Variants in IREB2 observed in about 807,000 individuals in gnomAD.
IREB2 encodes the protein iron-responsive element-binding protein 2.
IREB2 carries 39 observed loss-of-function variants against 118.8 expected under a neutral mutation model. That is an observed-to-expected ratio of 0.33 (90% CI 0.25 to 0.43). IREB2 has a LOEUF of 0.43. Among genes scored for constraint, IREB2 ranks in the 20% least tolerant of loss-of-function variants. The probability of loss-of-function intolerance (pLI) is 1.00; values close to 1 mark genes in which losing one functional copy is unlikely to be tolerated. For missense variants in IREB2, 900 were observed against 1,147.3 expected (o/e 0.78, Z 3.11); for synonymous variants, 372 against 392.2 (o/e 0.95, Z 0.61).
At position 78,498,166 on chromosome 15, in the gene IREB2, T is replaced by C. The variant is rs1222891092; in HGVS notation, c.*23T>C. On this transcript the variant is annotated 3_prime_UTR_variant, in exon 22 of 22. Transcript: ENST00000258886. The stretch of plus-strand genomic sequence containing the variant: ...TAGTATCTACTTACCATAGATACCT[T>C]TCATAACTGGTAACTGCAAAGCCTT... 1 of 1,326,030 alleles carries C rather than the reference T, an allele frequency of 7.5e-7. No homozygotes were observed. Among genetic ancestry groups the C allele is most frequent in the Admixed American group, 1.7e-5 (1 of 59,208 alleles). 82.1% of individuals were successfully genotyped at this position (1,326,030 alleles called of 1,614,324 possible). A position where few individuals can be genotyped will look rare whatever the true frequency, so the allele number is the denominator to read the frequency against.
chr15:78,473,632 ACTATTACTATTC>A, intron 8 of IREB2: 1 of 400,924 alleles, frequency 2.5e-6, no homozygotes, highest in South Asian at 3.1e-5. Context: ...TGAGATGGAT[ACTATTACTATTC>A]TCATTGTAAC....
chr15:78,467,118 G>T (rs914811126), intron 5 of IREB2, among the ~76,000 whole-genome samples: 7 of 150,126 alleles, frequency 4.7e-5, no homozygotes, highest in Non-Finnish European at 1.0e-4. Flanking sequence ...GCTGAGGCAG[G>T]AGAATCTCTT....
intron 18 of IREB2, 144 bp from the exon 19 acceptor site, chr15:78,493,765 A>G: frequency 1.6e-6 from 1 of 623,824 alleles, no homozygotes; most frequent in Non-Finnish European, 2.7e-6. Flanking sequence ...GCTTGGTGAT[A>G]GGCGCATGGA....
At chr15:78,444,027 G>T (rs558813954) in intron 2 of IREB2, among the ~76,000 whole-genome samples, 1 of 151,832 alleles carries the variant, frequency 6.6e-6, no homozygotes, top group Non-Finnish European at 1.5e-5. Flanking sequence ...TCAAAATCTA[G>T]GTAGTCTCAA....
At chr15:78,445,656 CA>C (rs2141449249) in intron 2 of IREB2, among the ~76,000 whole-genome samples, 1 of 152,364 alleles carries the variant, frequency 6.6e-6, no homozygotes, top group East Asian at 1.9e-4. Context: ...TCCATCTCTA[CA>C]GCCTACTTCA....
At chr15:78,496,031 T>A (rs2051832412) in intron 20 of IREB2, among the ~76,000 whole-genome samples, 1 of 152,242 alleles carries the variant, frequency 6.6e-6, no homozygotes, top group African/African-American at 2.4e-5. Context: ...TTGTAACCTG[T>A]GTCCACGAGT....
At chr15:78,496,007 T>G (rs1316522810) in intron 20 of IREB2, among the ~76,000 whole-genome samples, 3 of 152,234 alleles carry the variant, frequency 2.0e-5, no homozygotes, top group Non-Finnish European at 2.9e-5. Context: ...TGGATCTTAC[T>G]GCTTTGTATG....
At chr15:78,461,855 T>C (rs1307133613) in intron 2 of IREB2, among the ~76,000 whole-genome samples, 1 of 152,234 alleles carries the variant, frequency 6.6e-6, no homozygotes, top group Non-Finnish European at 1.5e-5. Flanking sequence ...AATCTCTGAA[T>C]AGCAGCACTA....
chr15:78,499,000 C>CA lies in IREB2; in HGVS notation c.*858dup, dbSNP rs1385282677. ...GTATCATTAACCAAAATTTCACACT[C>CA]ATAGTTGCTAAAGAGAATGTTATTC... On this transcript the variant is annotated 3_prime_UTR_variant, in exon 22 of 22. Transcript: ENST00000258886. 2 of 152,184 alleles carry CA rather than the reference C, an allele frequency of 1.3e-5. No homozygotes were observed. Among genetic ancestry groups the CA allele is most frequent in the African/African-American group, 4.8e-5 (2 of 41,450 alleles). The allele number at this position is 152,184 out of a possible 1,614,324, so 9.4% of individuals were successfully genotyped here. A position where few individuals can be genotyped will look rare whatever the true frequency, so the allele number is the denominator to read the frequency against.
chr15:78,466,813 T>C (rs762636389), intron 5 of IREB2, among the ~76,000 whole-genome samples: 18 of 152,212 alleles, frequency 1.2e-4, no homozygotes, highest in Non-Finnish European at 1.9e-4. Flanking sequence ...AGTATATTTG[T>C]ACCATTCATA....
rs755759523 is a variant in IREB2, at chr15:78,488,713, G to A, written c.2018G>A (p.Arg673Gln). The A allele has an allele frequency of 1.7e-5, 27 of 1,597,486 alleles. No homozygotes were observed. The highest frequency in any genetic ancestry group is 1.7e-4 in the Middle Eastern group (1 of 6,036). Reference sequence around the variant, plus strand: ...TGGCCTAGTCGAGAAGAAGTTCATCGAGTAGAGGAAGAACATGTTATACTA... The same window carrying A: ...TGGCCTAGTCGAGAAGAAGTTCATCAAGTAGAGGAAGAACATGTTATACTA... ...DIWPSREEVHRVEEEHVILSM... is the reference protein window; with the variant it reads ...DIWPSREEVHQVEEEHVILSM... The change falls in exon 16 of 22, where the codon CGA becomes CAA. Residue 673 changes from arginine to glutamine, a missense_variant. By Grantham distance (43) the Arg-to-Gln change is conservative. Coordinates refer to ENST00000258886, the MANE Select transcript of IREB2 (RefSeq NM_004136.4).
At chr15:78,472,983 A>C (rs1713453973) in intron 7 of IREB2, among the ~76,000 whole-genome samples, 1 of 152,192 alleles carries the variant, frequency 6.6e-6, no homozygotes, top group Non-Finnish European at 1.5e-5. Context: ...ATGAATACTT[A>C]AACTAATGTT....
chr15:78,464,363 G>A (rs925350774), intron 3 of IREB2, among the ~76,000 whole-genome samples: 5 of 152,138 alleles, frequency 3.3e-5, no homozygotes, highest in East Asian at 1.9e-4. Flanking sequence ...TGAAAGAGGC[G>A]TAGAGGTTAG....
At chr15:78,466,150 A>G in intron 4 of IREB2, 121 bp from the exon 5 acceptor site, 1 of 594,642 alleles carries the variant, frequency 1.7e-6, no homozygotes, top group Non-Finnish European at 2.9e-6. Context: ...TAAATGATAC[A>G]TTAGCCTTTA....
At position 78,473,215 on chromosome 15, in the gene IREB2, C is replaced by G. The variant is rs372524053; in HGVS notation, c.884-27C>G. On this transcript the variant is annotated intron_variant, in intron 7 of 21. Transcript: ENST00000258886. The stretch of plus-strand genomic sequence containing the variant: ...ATAAATGATCTTTAAATATACTGTG[C>G]TAATATACCTGTCTTTATTACGTTA... 9 of 1,604,116 alleles carry G rather than the reference C, an allele frequency of 5.6e-6. No homozygotes were observed. The South Asian group carries it at 8.8e-5, about 16-fold the overall frequency.
intron 13 of IREB2, among the ~76,000 whole-genome samples, chr15:78,487,117 G>T (rs1392002097): frequency 6.6e-6 from 1 of 152,054 alleles, no homozygotes; most frequent in Non-Finnish European, 1.5e-5. Context: ...TATTATCTTG[G>T]ATTTATTGTC....
intron 9 of IREB2, 34 bp downstream of exon 9, chr15:78,476,393 T>C (rs773520499): frequency 7.1e-7 from 1 of 1,412,996 alleles, no homozygotes; most frequent in African/African-American, 1.4e-5. Context: ...AATAAACATG[T>C]TACATTTCCA....
intron 1 of IREB2, among the ~76,000 whole-genome samples, chr15:78,439,336 T>A (rs557918283): frequency 1.8e-4 from 28 of 152,198 alleles, no homozygotes; most frequent in African/African-American, 6.0e-4. Context: ...TTTTTTTTTT[T>A]AATCAGTCCC....
chr15:78,464,303 C>G (rs371054838), intron 3 of IREB2, among the ~76,000 whole-genome samples: 2 of 152,176 alleles, frequency 1.3e-5, no homozygotes, highest in African/African-American at 4.8e-5. Flanking sequence ...TTTGCCTGAT[C>G]TAGGTGTCCA....
Sources: gnomAD v4.1 joint callset for allele counts (sites outside exome capture counted in the v4.1 genomes callset) on GRCh38, gnomAD v4.1.1 for gene constraint, MANE v1.5 for transcripts, NCBI Gene and HGNC (gene_info 2026-07-23, HGNC 2026-07-21) for gene names.